UBE2V2: variants seen among roughly 807,000 people sequenced by gnomAD.
UBE2V2 encodes the protein ubiquitin conjugating enzyme E2 V2.
UBE2V2 carries 9 observed loss-of-function variants against 17.2 expected under a neutral mutation model. The ratio of observed to expected loss-of-function variants is 0.52; its 90% CI spans 0.32 to 0.91. The LOEUF (loss-of-function observed/expected upper bound fraction) is 0.91. Ranked by LOEUF, UBE2V2 falls within the 40% of genes least tolerant of loss-of-function variation. The pLI is 0.04. For synonymous variants in UBE2V2, 61 were observed against 57.5 expected (o/e 1.06, Z -0.28); for missense variants, 133 against 182.6 (o/e 0.73, Z 1.56).
intron 1 of UBE2V2, among the ~76,000 whole-genome samples, chr8:48,036,806 T>A (rs2091428182): frequency 1.3e-5 from 2 of 152,232 alleles, no homozygotes; most frequent in African/African-American, 2.4e-5. Context: ...ATGTGATCTT[T>A]CATTGTGTGC....
At chr8:48,057,580 G>C (rs1248379735) in intron 3 of UBE2V2, among the ~76,000 whole-genome samples, 1 of 152,060 alleles carries the variant, frequency 6.6e-6, no homozygotes, top group African/African-American at 2.4e-5. Context: ...TGGGATTACA[G>C]GCATGAGCCA....
chr8:48,006,843 G>A (rs2091186246), upstream of UBE2V2, among the ~76,000 whole-genome samples: 1 of 151,914 alleles, frequency 6.6e-6, no homozygotes, highest in Non-Finnish European at 1.5e-5. Context: ...ATACTGAATG[G>A]GCGAAAACTG....
chr8:48,013,113 G>A (rs1226779836), intron 1 of UBE2V2, among the ~76,000 whole-genome samples: 1 of 152,082 alleles, frequency 6.6e-6, no homozygotes, highest in African/African-American at 2.4e-5. Flanking sequence ...CCAAAGTGCT[G>A]GGATCACTGG....
chr8:47,999,210 C>T, the UBE2V2 span, among the ~76,000 whole-genome samples: 4 of 152,044 alleles, frequency 2.6e-5, no homozygotes, highest in Non-Finnish European at 2.9e-5. Context: ...GAGGGGTGGG[C>T]AGCACCAAAG....
intron 3 of UBE2V2, among the ~76,000 whole-genome samples, chr8:48,052,812 C>A (rs754957470): frequency 3.3e-5 from 5 of 152,196 alleles, no homozygotes; most frequent in African/African-American, 1.2e-4. Flanking sequence ...GGCCTGCATG[C>A]CTTTCGTTTG....
At chr8:48,051,103 T>C (rs2091533656) in intron 3 of UBE2V2, among the ~76,000 whole-genome samples, 1 of 152,206 alleles carries the variant, frequency 6.6e-6, no homozygotes, top group East Asian at 1.9e-4. Context: ...CACCTTGGCC[T>C]CCCAAAGTGC....
At chr8:48,059,421 T>A (rs1199924000) in intron 3 of UBE2V2, among the ~76,000 whole-genome samples, 1 of 151,960 alleles carries the variant, frequency 6.6e-6, no homozygotes, top group Non-Finnish European at 1.5e-5. Flanking sequence ...CTGCTTTTTT[T>A]TTTTGGAGAC....
At position 48,049,848 on chromosome 8, in the gene UBE2V2, T is replaced by A. The variant is rs1175394013; in HGVS notation, c.166-5T>A. 4 of 1,590,864 alleles carry A rather than the reference T, an allele frequency of 2.5e-6. No individual in the cohort carries two copies. The highest frequency in any genetic ancestry group is 3.4e-6 in the Non-Finnish European group (4 of 1,172,046). On this transcript the variant is annotated splice_region_variant and splice_polypyrimidine_tract_variant and intron_variant, in intron 2 of 3. Coordinates refer to ENST00000523111, the MANE Select transcript of UBE2V2 (RefSeq NM_003350.3). Reference sequence around the variant, plus strand: ...TTGATTATCTTTTTGTTTTTTGCCTTCCAGACAAATTATGAAAACAGAATA... The same window carrying A: ...TTGATTATCTTTTTGTTTTTTGCCTACCAGACAAATTATGAAAACAGAATA...
chr8:47,999,792 T>C, the UBE2V2 span, among the ~76,000 whole-genome samples: 1 of 152,200 alleles, frequency 6.6e-6, no homozygotes, highest in South Asian at 2.1e-4. Context: ...AGGAGCTTTA[T>C]ACGGTCGGGA....
In UBE2V2 at chr8:48,060,730, A is replaced by G; in HGVS notation, c.340A>G (p.Ser114Gly). The change falls in exon 4 of 4, where the codon AGC becomes GGC. Residue 114 changes from serine to glycine, a missense_variant. Around this residue, in one of 3 missense-constraint regions of UBE2V2, gnomAD observed 92 missense variants for 124.3 expected, o/e 0.74. Coordinates refer to ENST00000523111, the MANE Select transcript of UBE2V2 (RefSeq NM_003350.3). ...GTTAGCAAAATGGCAAAATTCATATAGCATTAAAGTTGTACTTCAAGAGCT... is the reference window on the plus strand; with the variant it reads ...GTTAGCAAAATGGCAAAATTCATATGGCATTAAAGTTGTACTTCAAGAGCT... ...PVLAKWQNSY[S>G]IKVVLQELRR... 1 of 1,543,948 alleles carries G rather than the reference A, an allele frequency of 6.5e-7. No homozygotes were observed.
intron 3 of UBE2V2, among the ~76,000 whole-genome samples, chr8:48,059,998 G>C (rs1316718995): frequency 1.3e-5 from 2 of 151,976 alleles, no homozygotes; most frequent in African/African-American, 2.4e-5. Flanking sequence ...TTGAGCTCAG[G>C]AGTTCAAGAC....
At chr8:48,003,213 C>CA in the UBE2V2 span, among the ~76,000 whole-genome samples, 1,941 of 58,586 alleles carry the variant, frequency 0.033, 18 homozygotes, top group South Asian at 0.064. Context: ...CTGTCTCAAA[C>CA]AAAAAAAAAA....
At chr8:48,056,970 C>T (rs921037704) in intron 3 of UBE2V2, among the ~76,000 whole-genome samples, 5 of 152,142 alleles carry the variant, frequency 3.3e-5, no homozygotes, top group African/African-American at 1.2e-4. Context: ...AGTTGATCTG[C>T]CTGCCTTGGC....
At chr8:48,041,129 G>A (rs1253610877) in intron 1 of UBE2V2, among the ~76,000 whole-genome samples, 1 of 150,028 alleles carries the variant, frequency 6.7e-6, no homozygotes, top group African/African-American at 2.5e-5. Flanking sequence ...CTCCCAAAGT[G>A]CTGGGATTAC....
At chr8:48,000,276 C>G in the UBE2V2 span, among the ~76,000 whole-genome samples, 2 of 152,210 alleles carry the variant, frequency 1.3e-5, 1 homozygote, top group South Asian at 4.1e-4. Context: ...GATGTAATCA[C>G]TTATCATGAC....
chr8:48,015,406 C>T (rs1253961904), intron 1 of UBE2V2, among the ~76,000 whole-genome samples: 2 of 152,070 alleles, frequency 1.3e-5, no homozygotes, highest in Non-Finnish European at 2.9e-5. Context: ...ACAATGCTTG[C>T]TAATGTTTTG....
rs889332398 is a variant in UBE2V2, at chr8:48,049,934, G to A, written c.247G>A (p.Val83Ile). The A allele has an allele frequency of 1.9e-6, 3 of 1,580,874 alleles. No individual in the cohort carries two copies. The highest frequency in any genetic ancestry group is 2.3e-5 in the East Asian group (1 of 44,184). The change falls in exon 3 of 4, where the codon GTA becomes ATA. Residue 83 changes from valine (V) to isoleucine (I), a missense_variant. Physicochemically the swap from Val to Ile is conservative, Grantham distance 29. Coordinates refer to ENST00000523111, the MANE Select transcript of UBE2V2 (RefSeq NM_003350.3). Reference sequence around the variant, plus strand: ...AGAAGCTCCTCCGTCAGTTAGATTTGTAACAAAAATTAATATGAACGGAAT... The same window carrying A: ...AGAAGCTCCTCCGTCAGTTAGATTTATAACAAAAATTAATATGAACGGAAT... ...YPEAPPSVRFVTKINMNGINN... is the reference protein window; with the variant it reads ...YPEAPPSVRFITKINMNGINN...
intron 3 of UBE2V2, among the ~76,000 whole-genome samples, chr8:48,054,020 G>A (rs2091556520): frequency 6.6e-6 from 1 of 151,900 alleles, no homozygotes. Context: ...GGCCAGGCTG[G>A]TGTTCAACTC....
At chr8:48,036,499 T>A (rs1037659243) in intron 1 of UBE2V2, among the ~76,000 whole-genome samples, 24 of 151,966 alleles carry the variant, frequency 1.6e-4, no homozygotes, top group Non-Finnish European at 2.8e-4. Context: ...AGTGGTGCGA[T>A]CTTGGCTCAC....
Sources: allele counts gnomAD v4.1 joint callset (sites outside exome capture counted in the v4.1 genomes callset), GRCh38; gene constraint gnomAD v4.1.1; regional missense constraint gnomAD v4.1.1; transcripts MANE v1.5; gene names NCBI Gene and HGNC (gene_info 2026-07-23, HGNC 2026-07-21).